The following MKNK1 variants were observed in gnomAD, a reference collection of about 807,000 sequenced individuals.
MKNK1 encodes the protein MAP kinase-interacting serine/threonine-protein kinase 1.
MKNK1 carries 30 observed loss-of-function variants against 49.3 expected under a neutral mutation model. That is an observed-to-expected ratio of 0.61 (90% CI 0.46 to 0.83). MKNK1 has a LOEUF of 0.83. Among genes scored for constraint, MKNK1 ranks in the 40% least tolerant of loss-of-function variants. The pLI, the probability that MKNK1 is intolerant of heterozygous loss-of-function variation, is 0.00. For synonymous variants in MKNK1, 176 were observed against 201.7 expected, an observed-to-expected ratio of 0.87 and a Z score of 1.08; for missense variants, 423 against 524.7, an observed-to-expected ratio of 0.81 and a Z score of 1.89.
chr1:46,587,954 T>A (rs568402348), intron 2 of MKNK1, among the ~76,000 whole-genome samples: 2 of 152,264 alleles, frequency 1.3e-5, no homozygotes, highest in Non-Finnish European at 2.9e-5. Context: ...GTAAAACTGC[T>A]AATACGCTAC....
intron 1 of MKNK1, chr1:46,594,755 G>A (rs1014464231): frequency 3.2e-5 from 10 of 308,738 alleles, no homozygotes; most frequent in African/African-American, 2.1e-4. Flanking sequence ...AGCACTTTGG[G>A]AGGCTGAGGC....
chr1:46,582,542 A>G (rs1671896810), intron 3 of MKNK1, among the ~76,000 whole-genome samples: 1 of 152,240 alleles, frequency 6.6e-6, no homozygotes, highest in Admixed American at 6.5e-5. Flanking sequence ...AGACCTCACA[A>G]CGAAAGAAAA....
chr1:46,564,089 T>C (rs1478399814), intron 9 of MKNK1, among the ~76,000 whole-genome samples: 1 of 145,646 alleles, frequency 6.9e-6, no homozygotes, highest in East Asian at 2.0e-4. Flanking sequence ...AATTTACTTG[T>C]GAAGCATACA....
intron 5 of MKNK1, 24 bp from the exon 6 acceptor site, chr1:46,575,044 G>C: frequency 6.8e-7 from 1 of 1,468,024 alleles, no homozygotes. Flanking sequence ...AATAGGAGGA[G>C]AGGGAAAAGG....
chr1:46,593,937 A>G (rs1047926574), intron 2 of MKNK1, 176 bp downstream of exon 2: 12 of 535,748 alleles, frequency 2.2e-5, no homozygotes. Flanking sequence ...TTCTGTAGAA[A>G]TGTGTTCCTC....
intron 4 of MKNK1, among the ~76,000 whole-genome samples, chr1:46,577,210 G>A (rs1028244785): frequency 3.3e-5 from 5 of 152,194 alleles, no homozygotes; most frequent in Non-Finnish European, 7.3e-5. Context: ...CGGGTGTGGT[G>A]ACTCACACCT....
At chr1:46,566,998 G>A (rs2148599287) in intron 8 of MKNK1, among the ~76,000 whole-genome samples, 1 of 152,228 alleles carries the variant, frequency 6.6e-6, no homozygotes, top group African/African-American at 2.4e-5. Flanking sequence ...TAAGAGACAG[G>A]GGTCTCACTA....
Position 46,594,227 on chromosome 1 carries a change from C to G in MKNK1, c.-117G>C. 9.1e-7 allele frequency: 1 copy of G among 1,104,684 alleles called. No individual in the cohort carries two copies. Among genetic ancestry groups the G allele is most frequent in the African/African-American group, 1.5e-5 (1 of 65,168 alleles). The allele number at this position is 1,104,684 out of a possible 1,614,324, so 68.4% of individuals were successfully genotyped here. ...CCAGCTACACGAAGTGTCTCAATGG[C>G]CTTTGTGCGTAGGTGGCAATCTTCA... On this transcript the variant is annotated 5_prime_UTR_variant, in exon 2 of 13. Coordinates refer to ENST00000371945, the MANE Select transcript of MKNK1 (RefSeq NM_001135553.4).
intron 4 of MKNK1, among the ~76,000 whole-genome samples, chr1:46,577,285 C>G (rs369498871): frequency 5.7e-4 from 87 of 152,252 alleles, no homozygotes; most frequent in African/African-American, 2.0e-3. Context: ...TCTAGACCAG[C>G]CTGGCCAACA....
chr1:46,583,200 C>G, intron 3 of MKNK1, 28 bp downstream of exon 3: 1 of 1,586,172 alleles, frequency 6.3e-7, no homozygotes, highest in Non-Finnish European at 8.6e-7. Context: ...AGCTGCAGGC[C>G]CAGATATAGG....
chr1:46,581,722 A>G (rs185537300), intron 3 of MKNK1, among the ~76,000 whole-genome samples: 4 of 152,246 alleles, frequency 2.6e-5, no homozygotes, highest in Admixed American at 2.0e-4. Flanking sequence ...GCTTCTGAGA[A>G]GTCTCCAGAA....
At chr1:46,577,197 G>T (rs1186341272) in intron 4 of MKNK1, among the ~76,000 whole-genome samples, 2 of 152,126 alleles carry the variant, frequency 1.3e-5, no homozygotes, top group African/African-American at 4.8e-5. Flanking sequence ...ATTTATTTAC[G>T]GCCGGGTGTG....
At chr1:46,561,441 G>T in intron 11 of MKNK1, 37 bp downstream of exon 11, 3 of 1,573,366 alleles carry the variant, frequency 1.9e-6, no homozygotes, top group Non-Finnish European at 2.6e-6. Flanking sequence ...CCACAGGCCT[G>T]AAGTGGTGGA....
At position 46,594,942 on chromosome 1, in the gene MKNK1, A is replaced by G. The variant is rs539428023; in HGVS notation, c.-170-662T>C. 1.6e-3 allele frequency: 532 copies of G among 324,874 alleles called. 7 individuals are homozygous for G. Among genetic ancestry groups the G allele is most frequent in the South Asian group, 0.011 (511 of 44,552 alleles). The allele number at this position is 324,874 out of a possible 1,614,324, so 20.1% of individuals were successfully genotyped here. On this transcript the variant is annotated intron_variant, in intron 1 of 12. Coordinates refer to ENST00000371945, the MANE Select transcript of MKNK1 (RefSeq NM_001135553.4). ...GTCGAGGCTGCAATGACCCAAGATC[A>G]TGCCACTGCACTCCAACCTGGGTGA...
chr1:46,557,636 A>ACTAT lies in MKNK1; in HGVS notation c.*935_*938dup, dbSNP rs1219485460. The stretch of plus-strand genomic sequence containing the variant: ...TGTGGCTTCACCTTAGGCACAGAGC[A>ACTAT]CTATCTAACTGCCCAGATCTGTGCC... On this transcript the variant is annotated 3_prime_UTR_variant, in exon 13 of 13. Transcript: ENST00000371945. 1 of 152,648 alleles carries ACTAT rather than the reference A, an allele frequency of 6.6e-6. No individual in the cohort carries two copies. Among genetic ancestry groups the ACTAT allele is most frequent in the Non-Finnish European group, 1.5e-5 (1 of 68,040 alleles). 9.5% of individuals were successfully genotyped at this position (152,648 alleles called of 1,614,324 possible).
Position 46,602,159 on chromosome 1 carries a change from A to C in MKNK1, c.-171+2026T>G, listed in dbSNP as rs140403069. Among the ~76,000 whole-genome samples the C allele has an allele frequency of 3.3e-3, 498 of 152,270 alleles. 3 individuals carry two copies. The highest frequency in any genetic ancestry group is 0.012 in the African/African-American group (488 of 41,544). On this transcript the variant is annotated intron_variant, in intron 1 of 12. Transcript: ENST00000371945. ...GGGCACGTTGGCTCACATCTGTAGT[A>C]CCAGCACTTTGGGAGGCCCAGGCAG... is the stretch of plus-strand genomic sequence containing the variant.
chr1:46,564,051 A>AAAG (rs1668552012), intron 9 of MKNK1, among the ~76,000 whole-genome samples: 1 of 149,290 alleles, frequency 6.7e-6, no homozygotes, highest in Non-Finnish European at 1.5e-5. Context: ...TCTCAAAAAA[A>AAAG]AAAAAAAAAA....
rs754327629 is a variant in MKNK1, at chr1:46,594,157, G to A, written c.-47C>T. 4.3e-6 allele frequency: 7 copies of A among 1,610,870 alleles called. No individual in the cohort carries two copies. In the Middle Eastern group the frequency reaches 5.0e-4, roughly 114 times the overall value. On this transcript the variant is annotated 5_prime_UTR_variant, in exon 2 of 13. Coordinates refer to ENST00000371945, the MANE Select transcript of MKNK1 (RefSeq NM_001135553.4). The stretch of plus-strand genomic sequence containing the variant: ...TTGAGAAGATACCATCTGTAAACTT[G>A]AAATCCCAAATGAAATAAAGCTCCT...
At chr1:46,563,679 T>A (rs1360020404) in intron 9 of MKNK1, 1 of 152,234 alleles carries the variant, frequency 6.6e-6, no homozygotes, top group Non-Finnish European at 1.5e-5. Flanking sequence ...GAAAGAAACA[T>A]TCCTGATAAT....
Sources: gnomAD v4.1 joint callset for allele counts (sites outside exome capture counted in the v4.1 genomes callset) on GRCh38, gnomAD v4.1.1 for gene constraint, MANE v1.5 for transcripts, NCBI Gene and HGNC (gene_info 2026-07-23, HGNC 2026-07-21) for gene names.